FSIP2: variants seen among roughly 807,000 people sequenced by gnomAD.
The protein encoded by FSIP2 is fibrous sheath interacting protein 2.
FSIP2 carries 367 observed loss-of-function variants against 510.5 expected under a neutral mutation model. That is an observed-to-expected ratio of 0.72 (90% CI 0.66 to 0.78). The LOEUF is 0.78. FSIP2 is among the 30% of genes least tolerant of loss of function. The pLI, the probability that FSIP2 is intolerant of heterozygous loss-of-function variation, is 0.00. For synonymous variants in FSIP2, 2,601 were observed against 2,732.2 expected, an observed-to-expected ratio of 0.95 and a Z score of 1.50; for missense variants, 7,594 against 7,901.7, an observed-to-expected ratio of 0.96 and a Z score of 1.48.
chr2:185,782,711 A>C lies in FSIP2; in HGVS notation c.1418A>C (p.Gln473Pro). 1 of 1,514,312 alleles carries C rather than the reference A, an allele frequency of 6.6e-7. No homozygotes were observed. The highest frequency in any genetic ancestry group is 1.2e-5 in the South Asian group (1 of 83,566). 93.8% of individuals were successfully genotyped at this position (1,514,312 alleles called of 1,614,324 possible). A position where few individuals can be genotyped will look rare whatever the true frequency, so the allele number is the denominator to read the frequency against. Residue 473 changes from glutamine to proline, a missense_variant, in exon 14 of 23, where the codon CAG (glutamine) becomes CCG (proline). Gln to Pro is a moderately conservative substitution (Grantham distance 76). Transcript: ENST00000424728. ...TTATTTTTCTGATAAATAGGACCTC[A>C]GGCTCATGCTACAGACCCGGGTATA... ...RSSYLCESGP[Q>P]AHATDPGIFS...
Position 185,791,532 on chromosome 2 carries a change from A to C in FSIP2, c.4396A>C (p.Thr1466Pro). 1 of 1,534,484 alleles carries C rather than the reference A, an allele frequency of 6.5e-7. No individual in the cohort carries two copies. The highest frequency in any genetic ancestry group is 8.7e-7 in the Non-Finnish European group (1 of 1,145,690). Residue 1466 changes from threonine (T) to proline (P), a missense_variant, in exon 16 of 23, where the codon ACC (threonine) becomes CCC (proline). Thr to Pro is a conservative substitution (Grantham distance 38). Coordinates refer to ENST00000424728, the MANE Select transcript of FSIP2 (RefSeq NM_173651.4). ...LSCSQQSREM[T>P]NKNQKMAAAL... is the part of the protein sequence containing the mutation. Reference sequence around the variant, plus strand: ...TTGTAGTCAACAAAGCAGAGAGATGACCAATAAGAATCAGAAAATGGCTGC... The same window carrying C: ...TTGTAGTCAACAAAGCAGAGAGATGCCCAATAAGAATCAGAAAATGGCTGC...
intron 12 of FSIP2, among the ~76,000 whole-genome samples, chr2:185,764,083 C>T (rs1336697517): frequency 1.8e-5 from 2 of 111,604 alleles, no homozygotes; most frequent in African/African-American, 6.7e-5. Flanking sequence ...AGGCTATGCC[C>T]TTAACTTAAA....
At position 185,804,339 on chromosome 2, in the gene FSIP2, G is replaced by C; in HGVS notation, c.15033G>C (p.Leu5011Phe). ...TTGCAGATAACTTTGATAAAAATTT[G>C]TGTTTCTCAGAAAGATACAAAGAAA... Reference protein sequence around the residue: ...ILVADNFDKNLCFSERYKEMV... With the variant: ...ILVADNFDKNFCFSERYKEMV... The change falls in exon 17 of 23, where the codon TTG becomes TTC. Residue 5011 changes from leucine (L) to phenylalanine (F), a missense_variant. Coordinates refer to ENST00000424728, the MANE Select transcript of FSIP2 (RefSeq NM_173651.4). The C allele has an allele frequency of 6.6e-7, 1 of 1,505,212 alleles. No homozygotes were observed. Among genetic ancestry groups the C allele is most frequent in the Non-Finnish European group, 8.8e-7 (1 of 1,134,608 alleles). 93.2% of individuals were successfully genotyped at this position (1,505,212 alleles called of 1,614,324 possible).
rs1693664998 is a variant in FSIP2 at position 185,809,043 on chromosome 2, C to A, written c.19737C>A (p.Tyr6579Ter). Residue 6579 changes from tyrosine to a stop codon, truncating the protein, a stop_gained, in exon 17 of 23, where the codon TAC (tyrosine) becomes TAA (stop). Coordinates refer to ENST00000424728, the MANE Select transcript of FSIP2 (RefSeq NM_173651.4). LOFTEE classifies it high-confidence loss of function. ...LRRASISGRN[Y>*]SLGSPDLEKR... Reference sequence around the variant, plus strand: ...GAGCATCAATAAGTGGGAGAAATTACTCCTTAGGATCACCTGATTTAGAAA... The same window carrying A: ...GAGCATCAATAAGTGGGAGAAATTAATCCTTAGGATCACCTGATTTAGAAA... 1.9e-6 allele frequency: 3 copies of A among 1,611,892 alleles called. No individual in the cohort carries two copies. The highest frequency in any genetic ancestry group is 2.2e-5 in the South Asian group (2 of 90,806).
chr2:185,774,717 G>A (rs1421828674), intron 13 of FSIP2, among the ~76,000 whole-genome samples: 1 of 125,930 alleles, frequency 7.9e-6, no homozygotes, highest in African/African-American at 3.0e-5. Flanking sequence ...ATCTCCCAAT[G>A]CTATCCCTCC....
chr2:185,829,926 T>G lies in FSIP2; in HGVS notation c.20517+1727T>G, dbSNP rs571377647. ...TCAAAAATCTGTTTATACTGTCCCC[T>G]CTGAGTTGTACATATTTGGAACTGA... is the stretch of plus-strand genomic sequence containing the variant. On this transcript the variant is annotated intron_variant, in intron 21 of 22. Coordinates refer to ENST00000424728, the MANE Select transcript of FSIP2 (RefSeq NM_173651.4). Among the ~76,000 whole-genome samples the G allele has an allele frequency of 8.3e-4, 126 of 152,014 alleles. 1 individual carries two copies. The highest frequency in any genetic ancestry group is 3.0e-3 in the African/African-American group (124 of 41,514).
Position 185,795,818 on chromosome 2 carries a change from G to C in FSIP2, c.8682G>C (p.Arg2894Ser). ...NLPPLENCES[R>S]FYNHFKGAST... is the part of the protein sequence containing the mutation. ...CCCCTCTTGAGAATTGTGAAAGCAG[G>C]TTTTATAATCATTTTAAAGGAGCTT... is the stretch of plus-strand genomic sequence containing the variant. Residue 2894 changes from arginine (R) to serine (S), a missense_variant, in exon 16 of 23, where the codon AGG (arginine) becomes AGC (serine). Coordinates refer to ENST00000424728, the MANE Select transcript of FSIP2 (RefSeq NM_173651.4). 1 of 1,533,832 alleles carries C rather than the reference G, an allele frequency of 6.5e-7. No individual in the cohort carries two copies. Among genetic ancestry groups the C allele is most frequent in the Non-Finnish European group, 8.7e-7 (1 of 1,145,382 alleles).
rs754630721 is a variant in FSIP2, at chr2:185,789,842, T to C, written c.2706T>C (p.Val902=). 24 of 1,532,726 alleles carry C rather than the reference T, an allele frequency of 1.6e-5. No homozygotes were observed. Among genetic ancestry groups the C allele is most frequent in the Non-Finnish European group, 2.0e-5 (23 of 1,144,600 alleles). The allele number at this position is 1,532,726 out of a possible 1,614,324, so 94.9% of individuals were successfully genotyped here. A position where few individuals can be genotyped will look rare whatever the true frequency, so the allele number is the denominator to read the frequency against. Reference sequence around the variant, plus strand: ...ATATTTTTTCCCAGTCTTCTTTGGTTGCTTATATAGAGGAAGCAATCAATG... The same window carrying C: ...ATATTTTTTCCCAGTCTTCTTTGGTCGCTTATATAGAGGAAGCAATCAATG... ...ISNIFSQSSL[V]AYIEEAINAI... is the part of the protein sequence containing the mutation. Residue 902 remains valine, a synonymous_variant, in exon 16 of 23, where the codon GTT becomes GTC. Coordinates refer to ENST00000424728, the MANE Select transcript of FSIP2 (RefSeq NM_173651.4).
chr2:185,744,396 C>A lies in FSIP2; in HGVS notation c.462C>A (p.Asn154Lys). ...GTTTAAAATTAGACTTTGAGAGAAA[C>A]TATATAAAAGAACAAGTAAGTTAAA... is the stretch of plus-strand genomic sequence containing the variant. Reference protein sequence around the residue: ...LTSLKLDFERNYIKEQRILAK... With the variant: ...LTSLKLDFERKYIKEQRILAK... Residue 154 changes from asparagine to lysine, a missense_variant, in exon 4 of 23, where the codon AAC becomes AAA. Transcript: ENST00000424728. 1 of 1,079,002 alleles carries A rather than the reference C, an allele frequency of 9.3e-7. No homozygotes were observed. Among genetic ancestry groups the A allele is most frequent in the Non-Finnish European group, 1.3e-6 (1 of 798,230 alleles). 66.8% of individuals were successfully genotyped at this position (1,079,002 alleles called of 1,614,324 possible). A position where few individuals can be genotyped will look rare whatever the true frequency, so the allele number is the denominator to read the frequency against.
chr2:185,751,461 CTGTGTGTGTGTG>C (rs56395901), intron 7 of FSIP2, among the ~76,000 whole-genome samples: 6 of 135,872 alleles, frequency 4.4e-5, no homozygotes, highest in Non-Finnish European at 9.6e-5. Context: ...CTTTATTTTT[CTGTGTGTGTGTG>C]TGTGTGTGTG....
intron 7 of FSIP2, among the ~76,000 whole-genome samples, chr2:185,750,494 C>A (rs1287464016): frequency 6.6e-6 from 1 of 151,186 alleles, no homozygotes; most frequent in Non-Finnish European, 1.5e-5. Context: ...TAATTTGTAA[C>A]TTCTTTTTTC....
At chr2:185,785,541 A>G (rs909701941) in intron 14 of FSIP2, among the ~76,000 whole-genome samples, 1 of 151,696 alleles carries the variant, frequency 6.6e-6, no homozygotes, top group Non-Finnish European at 1.5e-5. Flanking sequence ...ATATACAAAA[A>G]TAAATCAGAC....
At position 185,790,585 on chromosome 2, in the gene FSIP2, A is replaced by G. The variant is rs1192460981; in HGVS notation, c.3449A>G (p.His1150Arg). The G allele has an allele frequency of 1.3e-6, 2 of 1,534,014 alleles. No homozygotes were observed. The highest frequency in any genetic ancestry group is 1.7e-6 in the Non-Finnish European group (2 of 1,145,520). ...LVSEKPQGLS[H>R]QEWIDQMFSV... ...TCAGAAAAGCCTCAAGGACTGTCAC[A>G]TCAAGAATGGATAGACCAGATGTTT... The change falls in exon 16 of 23, where the codon CAT becomes CGT. Residue 1150 changes from histidine to arginine, a missense_variant. By Grantham distance (29) the His-to-Arg change is conservative. Coordinates refer to ENST00000424728, the MANE Select transcript of FSIP2 (RefSeq NM_173651.4).
At position 185,801,950 on chromosome 2, in the gene FSIP2, A is replaced by C; in HGVS notation, c.12644A>C (p.Asp4215Ala). 2 of 1,522,498 alleles carry C rather than the reference A, an allele frequency of 1.3e-6. No homozygotes were observed. Among genetic ancestry groups the C allele is most frequent in the Non-Finnish European group, 1.8e-6 (2 of 1,139,430 alleles). 94.3% of individuals were successfully genotyped at this position (1,522,498 alleles called of 1,614,324 possible). ...GGAAAAAACCTCCAAAAGATGGTGG[A>C]TTCTGTATATTGTAATATTTTGCAA... ...YTGKNLQKMVDSVYCNILQMS... is the reference protein window; with the variant it reads ...YTGKNLQKMVASVYCNILQMS... Residue 4215 changes from aspartate to alanine, a missense_variant, in exon 17 of 23, where the codon GAT becomes GCT. Transcript: ENST00000424728.
rs191389371 is a variant in FSIP2 at position 185,764,515 on chromosome 2, C to T, written c.1361C>T (p.Ala454Val). 4 of 1,530,718 alleles carry T rather than the reference C, an allele frequency of 2.6e-6. No individual in the cohort carries two copies. The Admixed American group carries it at 7.9e-5, about 30-fold the overall frequency. The allele number at this position is 1,530,718 out of a possible 1,614,324, so 94.8% of individuals were successfully genotyped here. A position where few individuals can be genotyped will look rare whatever the true frequency, so the allele number is the denominator to read the frequency against. ...TGAATTATGTAGAAGGAGACAAATG[C>T]TGATTGGGATGGAAGACCAACCAAG... ...DPSKEEKETNADWDGRPTKRS... is the reference protein window; with the variant it reads ...DPSKEEKETNVDWDGRPTKRS... The change falls in exon 13 of 23, where the codon GCT becomes GTT. Residue 454 changes from alanine (A) to valine (V), a missense_variant. Transcript: ENST00000424728.
intron 13 of FSIP2, among the ~76,000 whole-genome samples, chr2:185,771,744 C>G (rs865900694): frequency 6.6e-6 from 1 of 152,186 alleles, no homozygotes; most frequent in Non-Finnish European, 1.5e-5. Flanking sequence ...GCTAATCTCT[C>G]TAGTAAGTGA....
At chr2:185,798,196 CAT>C (rs1418403122) in intron 16 of FSIP2, among the ~76,000 whole-genome samples, 12 of 151,828 alleles carry the variant, frequency 7.9e-5, no homozygotes, top group Admixed American at 2.0e-4. Context: ...TCTTTATAAT[CAT>C]ATGGGATGTG....
rs1462995477 is a variant in FSIP2, at chr2:185,807,462, A to G, written c.18156A>G (p.Val6052=). Residue 6052 remains valine (V), a synonymous_variant, in exon 17 of 23, where the codon GTA becomes GTG. Coordinates refer to ENST00000424728, the MANE Select transcript of FSIP2 (RefSeq NM_173651.4). ...TELNFLQMKL[V]SAVATEISQD... is the part of the protein sequence containing the mutation. ...TGAATTTCCTTCAAATGAAGTTAGT[A>G]AGTGCAGTTGCAACAGAGATCTCCC... The G allele has an allele frequency of 1.2e-6, 2 of 1,612,710 alleles. No individual in the cohort carries two copies. The highest frequency in any genetic ancestry group is 2.7e-5 in the African/African-American group (2 of 74,982).
At position 185,801,933 on chromosome 2, in the gene FSIP2, C is replaced by A; in HGVS notation, c.12627C>A (p.Asn4209Lys). ...ATCAATATCTATATACTGGAAAAAACCTCCAAAAGATGGTGGATTCTGTAT... is the reference window on the plus strand; with the variant it reads ...ATCAATATCTATATACTGGAAAAAAACTCCAAAAGATGGTGGATTCTGTAT... The part of the protein sequence containing the change: ...YDNQYLYTGK[N>K]LQKMVDSVYC... Residue 4209 changes from asparagine (N) to lysine (K), a missense_variant, in exon 17 of 23, where the codon AAC becomes AAA. Transcript: ENST00000424728. The A allele has an allele frequency of 6.6e-7, 1 of 1,517,976 alleles. No homozygotes were observed. The highest frequency in any genetic ancestry group is 1.4e-5 in the African/African-American group (1 of 71,928). 94.0% of individuals were successfully genotyped at this position (1,517,976 alleles called of 1,614,324 possible).
Sources: gnomAD v4.1 joint callset for allele counts (sites outside exome capture counted in the v4.1 genomes callset) on GRCh38, gnomAD v4.1.1 for gene constraint, MANE v1.5 for transcripts, NCBI Gene and HGNC (gene_info 2026-07-23, HGNC 2026-07-21) for gene names.